SEMA4F: variants seen among roughly 807,000 people sequenced by gnomAD.
The protein encoded by SEMA4F is ssemaphorin 4F, also known as semaphorin-4F.
A neutral mutation model predicts 78.4 loss-of-function variants in SEMA4F; 51 were observed. The observed-to-expected ratio is 0.65, with a 90% confidence interval of 0.52 to 0.82. The LOEUF (loss-of-function observed/expected upper bound fraction) is 0.82. Ranked by LOEUF, SEMA4F falls within the 40% of genes least tolerant of loss-of-function variation. SEMA4F has a pLI of 0.00. For synonymous variants in SEMA4F, 418 were observed against 408.7 expected (o/e 1.02, Z -0.27); for missense variants, 938 against 1,014.4 (o/e 0.92, Z 1.02).
At chr2:74,708,551 C>A in the SEMA4F span, among the ~76,000 whole-genome samples, 1 of 152,142 alleles carries the variant, frequency 6.6e-6, no homozygotes, top group Non-Finnish European at 1.5e-5. Flanking sequence ...AACCACCTGG[C>A]AATTATGAAG....
chr2:74,676,360 C>G (rs1459864181), intron 12 of SEMA4F, among the ~76,000 whole-genome samples: 1 of 152,186 alleles, frequency 6.6e-6, no homozygotes, highest in East Asian at 1.9e-4. Flanking sequence ...TTCATGCACT[C>G]TCTAGGCAGT....
At chr2:74,678,536 T>G (rs999402958) in intron 12 of SEMA4F, among the ~76,000 whole-genome samples, 2 of 152,236 alleles carry the variant, frequency 1.3e-5, no homozygotes, top group Non-Finnish European at 2.9e-5. Context: ...AGTCTGTGTT[T>G]GATTGAGGCT....
chr2:74,656,810 T>A, intron 2 of SEMA4F, 125 bp downstream of exon 2: 17 of 956,018 alleles, frequency 1.8e-5, no homozygotes, highest in East Asian at 1.2e-4. Context: ...TAGGAGGGGG[T>A]GAGTTGGGAG....
At chr2:74,686,504 T>C (rs1685825189), downstream of SEMA4F, among the ~76,000 whole-genome samples, 1 of 152,190 alleles carries the variant, frequency 6.6e-6, no homozygotes, top group African/African-American at 2.4e-5. Flanking sequence ...GAAGTACCAT[T>C]TGACCCAGCC....
intron 3 of SEMA4F, 40 bp from the exon 4 acceptor site, chr2:74,657,813 C>T: frequency 6.3e-7 from 1 of 1,580,296 alleles, no homozygotes; most frequent in Non-Finnish European, 8.7e-7. Flanking sequence ...TTCCTCGTAC[C>T]TGCTGCTTCT....
chr2:74,682,814 T>TG lies in SEMA4F; in HGVS notation c.*2608dup, dbSNP rs1269867198. 6.6e-6 allele frequency: 1 copy of TG among 152,228 alleles called. No individual in the cohort carries two copies. The highest frequency in any genetic ancestry group is 1.5e-5 in the Non-Finnish European group (1 of 68,088). 9.4% of individuals were successfully genotyped at this position (152,228 alleles called of 1,614,324 possible). On this transcript the variant is annotated 3_prime_UTR_variant, in exon 14 of 14. Coordinates refer to ENST00000357877, the MANE Select transcript of SEMA4F (RefSeq NM_004263.5). The stretch of plus-strand genomic sequence containing the variant: ...GAGAGAGACCAGGGCTCTTATACTC[T>TG]GGGCCACTATCTGCCTGCTCTAATC...
At chr2:74,705,899 T>C in the SEMA4F span, among the ~76,000 whole-genome samples, 2 of 152,210 alleles carry the variant, frequency 1.3e-5, no homozygotes, top group South Asian at 2.1e-4. Context: ...TCAAAAGATA[T>C]GTATCAATTT....
rs1047245446 is a variant in SEMA4F, at chr2:74,675,038, G to A, written c.1149+3G>A. ...TGCCCCAGCCCAGACCTGGAGAGGT[G>A]AGGGGGCAGATCTTCATTCTAGGCC... On this transcript the variant is annotated splice_donor_region_variant and intron_variant, in intron 9 of 13. Transcript: ENST00000357877. 6.2e-7 allele frequency: 1 copy of A among 1,614,028 alleles called. No homozygotes were observed. Among genetic ancestry groups the A allele is most frequent in the African/African-American group, 1.3e-5 (1 of 75,014 alleles).
downstream of SEMA4F, among the ~76,000 whole-genome samples, chr2:74,685,959 A>G (rs1685814236): frequency 6.6e-6 from 1 of 152,336 alleles, no homozygotes; most frequent in African/African-American, 2.4e-5. Flanking sequence ...ACAGGAAAAA[A>G]TGCTCATCAT....
At chr2:74,696,777 T>C in the SEMA4F span, among the ~76,000 whole-genome samples, 1 of 152,238 alleles carries the variant, frequency 6.6e-6, no homozygotes, top group Non-Finnish European at 1.5e-5. Flanking sequence ...CTTATTTCCA[T>C]TATTTTTTAC....
intron 5 of SEMA4F, among the ~76,000 whole-genome samples, chr2:74,664,833 CT>C (rs1485281464): frequency 6.6e-6 from 1 of 152,156 alleles, no homozygotes; most frequent in Non-Finnish European, 1.5e-5. Context: ...AATTACATAT[CT>C]TTTCCTTTGT....
Position 74,656,615 on chromosome 2 carries a change from C to A in SEMA4F, c.227C>A (p.Thr76Lys). 1 of 1,614,184 alleles carries A rather than the reference C, an allele frequency of 6.2e-7. No homozygotes were observed. Among genetic ancestry groups the A allele is most frequent in the Non-Finnish European group, 8.5e-7 (1 of 1,180,024 alleles). ...CTCCTTGTGGATCCTGCCTCCCACACACTTTATGTTGGCGCCCGGGACACC... is the reference window on the plus strand; with the variant it reads ...CTCCTTGTGGATCCTGCCTCCCACAAACTTTATGTTGGCGCCCGGGACACC... ...SVLLVDPASHTLYVGARDTIF... is the reference protein window; with the variant it reads ...SVLLVDPASHKLYVGARDTIF... Residue 76 changes from threonine to lysine, a missense_variant, in exon 2 of 14, where the codon ACA becomes AAA. By Grantham distance (78) the Thr-to-Lys change is moderately conservative. Coordinates refer to ENST00000357877, the MANE Select transcript of SEMA4F (RefSeq NM_004263.5).
chr2:74,676,819 C>T lies in SEMA4F; in HGVS notation c.1643+910C>T, dbSNP rs191057086. On this transcript the variant is annotated intron_variant, in intron 12 of 13. Transcript: ENST00000357877. ...TTTAGCAGCTTAAAAGCATATGTCA[C>T]GTTGAAGCAAATCCCTGACATTATA... Among the ~76,000 whole-genome samples, 198 of 152,230 alleles carry T rather than the reference C, an allele frequency of 1.3e-3. 1 individual carries two copies. Among genetic ancestry groups the T allele is most frequent in the African/African-American group, 4.6e-3 (189 of 41,522 alleles).
In SEMA4F at chr2:74,673,576, G is replaced by A. The variant is rs745377751; in HGVS notation, c.670G>A (p.Ala224Thr). 35 of 1,614,016 alleles carry A rather than the reference G, an allele frequency of 2.2e-5. No individual in the cohort carries two copies. Among genetic ancestry groups the A allele is most frequent in the Non-Finnish European group, 2.5e-5 (30 of 1,180,032 alleles). ...AGATACCTTGCCTTCCTGGCTGAAC[G>A]GTGGGGAGAGGGAGAGGGGTCCTCT... ...RTDTLPSWLNAPAFVAAVALS... is the reference protein window; with the variant it reads ...RTDTLPSWLNTPAFVAAVALS... The change falls in exon 6 of 14, where the codon GCC (alanine) becomes ACC (threonine). Residue 224 changes from alanine to threonine, a missense_variant and splice_region_variant. Coordinates refer to ENST00000357877, the MANE Select transcript of SEMA4F (RefSeq NM_004263.5).
At chr2:74,700,354 G>A in the SEMA4F span, among the ~76,000 whole-genome samples, 3 of 152,078 alleles carry the variant, frequency 2.0e-5, no homozygotes, top group Admixed American at 6.5e-5. Flanking sequence ...TGCCACATGT[G>A]GGAATAGGTT....
intron 5 of SEMA4F, among the ~76,000 whole-genome samples, chr2:74,665,928 G>A (rs1188272284): frequency 6.8e-6 from 1 of 146,638 alleles, no homozygotes; most frequent in Admixed American, 6.8e-5. Context: ...GTTTTTTTGA[G>A]ACGGAGTCTC....
In SEMA4F at chr2:74,682,575, A is replaced by C. The variant is rs1295120335; in HGVS notation, c.*2366A>C. 1 of 152,238 alleles carries C rather than the reference A, an allele frequency of 6.6e-6. No homozygotes were observed. Among genetic ancestry groups the C allele is most frequent in the Non-Finnish European group, 1.5e-5 (1 of 68,098 alleles). The allele number at this position is 152,238 out of a possible 1,614,324, so 9.4% of individuals were successfully genotyped here. Reference sequence around the variant, plus strand: ...TAGGAGGCAGATCTATGATTTTTGTAATCCTCAGACCTGTCTGACCTTAGT... The same window carrying C: ...TAGGAGGCAGATCTATGATTTTTGTCATCCTCAGACCTGTCTGACCTTAGT... On this transcript the variant is annotated 3_prime_UTR_variant, in exon 14 of 14. Transcript: ENST00000357877.
Position 74,657,961 on chromosome 2 carries a change from G to A in SEMA4F, c.456+10G>A, listed in dbSNP as rs771709090. ...GAAGTGCGGGGTTATTGTGAGTGACGGTGTGGGAGGAGAGGGAGAGGGTGC... is the reference window on the plus strand; with the variant it reads ...GAAGTGCGGGGTTATTGTGAGTGACAGTGTGGGAGGAGAGGGAGAGGGTGC... On this transcript the variant is annotated intron_variant, in intron 4 of 13. Transcript: ENST00000357877. 9.9e-6 allele frequency: 16 copies of A among 1,612,032 alleles called. No individual in the cohort carries two copies. Among genetic ancestry groups the A allele is most frequent in the African/African-American group, 5.3e-5 (4 of 74,976 alleles).
Position 74,675,898 on chromosome 2 carries a change from G to C in SEMA4F, c.1632G>C (p.Gly544=). The C allele has an allele frequency of 2.5e-6, 4 of 1,612,038 alleles. No individual in the cohort carries two copies. Among genetic ancestry groups the C allele is most frequent in the Non-Finnish European group, 3.4e-6 (4 of 1,179,258 alleles). The change falls in exon 12 of 14, where the codon GGG becomes GGC. Residue 544 remains glycine, a synonymous_variant. Coordinates refer to ENST00000357877, the MANE Select transcript of SEMA4F (RefSeq NM_004263.5). ...FRLDECVAHA[G]EHRGLVQDIE... ...TGGATGAGTGTGTGGCCCATGCCGG[G>C]GAGCACCGAGGGTGAGTGTAGCTGC... is the stretch of plus-strand genomic sequence containing the variant.
Sources: gnomAD v4.1 joint callset for allele counts (sites outside exome capture counted in the v4.1 genomes callset) on GRCh38, gnomAD v4.1.1 for gene constraint, MANE v1.5 for transcripts, NCBI Gene and HGNC (gene_info 2026-07-23, HGNC 2026-07-21) for gene names.